L3MBTL4: variants seen among roughly 807,000 people sequenced by gnomAD.
The protein encoded by L3MBTL4 is L3MBTL histone methyl-lysine binding protein 4, also known as lethal(3)malignant brain tumor-like protein 4.
L3MBTL4 carries 70 observed loss-of-function variants against 84.5 expected under a neutral mutation model. The ratio of observed to expected loss-of-function variants is 0.83; its 90% confidence interval spans 0.68 to 1.01. The LOEUF (loss-of-function observed/expected upper bound fraction) is 1.01, where lower values mean the gene tolerates loss of function less well. Among genes scored for constraint, L3MBTL4 ranks in the 50% least tolerant of loss-of-function variants. The pLI, the probability that L3MBTL4 is intolerant of heterozygous loss-of-function variation, is 0.00. For synonymous variants in L3MBTL4, 274 were observed against 259.8 expected (o/e 1.05, Z -0.52); for missense variants, 715 against 754.8 (o/e 0.95, Z 0.62).
At chr18:6,081,733 G>C (rs1047020995) in intron 15 of L3MBTL4, among the ~76,000 whole-genome samples, 13 of 152,170 alleles carry the variant, frequency 8.5e-5, no homozygotes, top group Non-Finnish European at 2.9e-5. Context: ...TTCTGTGCTA[G>C]ATGAGGAAAC....
At chr18:6,038,403 G>C (rs530215230) in intron 16 of L3MBTL4, among the ~76,000 whole-genome samples, 1 of 151,906 alleles carries the variant, frequency 6.6e-6, no homozygotes, top group Non-Finnish European at 1.5e-5. Context: ...ATAGGCGTCC[G>C]CCACCGCGAC....
At chr18:6,308,972 T>C (rs8096936) in intron 3 of L3MBTL4, among the ~76,000 whole-genome samples, 28,752 of 152,176 alleles carry the variant, frequency 0.19, 2,848 homozygotes, top group African/African-American at 0.23. Context: ...ATAGAAAATA[T>C]TAGTCTAGAA....
At chr18:6,144,515 T>A (rs1252972069) in intron 13 of L3MBTL4, among the ~76,000 whole-genome samples, 2 of 152,338 alleles carry the variant, frequency 1.3e-5, no homozygotes, top group East Asian at 3.9e-4. Flanking sequence ...TAATGAATAA[T>A]GCTTTACCCT....
intron 14 of L3MBTL4, among the ~76,000 whole-genome samples, chr18:6,115,263 T>G (rs1054799764): frequency 6.6e-6 from 1 of 151,938 alleles, no homozygotes. Context: ...CTGACTGCAG[T>G]GAGGAAAACA....
chr18:6,221,999 C>T (rs2046577090), intron 10 of L3MBTL4, among the ~76,000 whole-genome samples: 2 of 152,228 alleles, frequency 1.3e-5, no homozygotes, highest in Non-Finnish European at 2.9e-5. Flanking sequence ...CTGTTCAGTA[C>T]ATGACTCAGA....
chr18:6,326,771 T>C (rs1005715618), intron 1 of L3MBTL4: 2 of 152,250 alleles, frequency 1.3e-5, no homozygotes, highest in African/African-American at 4.8e-5. Context: ...TCTGAAATTC[T>C]GTTCCACTGA....
chr18:6,008,878 A>G (rs780408797), intron 16 of L3MBTL4, among the ~76,000 whole-genome samples: 2 of 152,248 alleles, frequency 1.3e-5, no homozygotes, highest in Non-Finnish European at 2.9e-5. Flanking sequence ...ACGGATTGAC[A>G]TAAACCATTT....
rs750099128 is a variant in L3MBTL4 at position 6,383,249 on chromosome 18, C to T, written c.-91+31552G>A. 2.6e-4 allele frequency among the ~76,000 whole-genome samples: 39 copies of T among 152,162 alleles called. 1 individual carries two copies. Among genetic ancestry groups the T allele is most frequent in the South Asian group, 6.2e-4 (3 of 4,808 alleles). ...CACTGGATCTTAGTTTGCTGGGCTCCGTGGGGGTAGGACCTGCTGAGCCAG... is the reference window on the plus strand; with the variant it reads ...CACTGGATCTTAGTTTGCTGGGCTCTGTGGGGGTAGGACCTGCTGAGCCAG... On this transcript the variant is annotated intron_variant, in intron 1 of 18. Transcript: ENST00000317931.
intron 12 of L3MBTL4, among the ~76,000 whole-genome samples, chr18:6,196,697 G>A (rs1037077128): frequency 1.3e-5 from 2 of 152,190 alleles, no homozygotes; most frequent in Non-Finnish European, 2.9e-5. Context: ...AAGAGGGGCT[G>A]AGAGACCTAA....
intron 1 of L3MBTL4, among the ~76,000 whole-genome samples, chr18:6,343,521 C>T (rs575536684): frequency 3.3e-5 from 5 of 151,742 alleles, no homozygotes; most frequent in Non-Finnish European, 7.4e-5. Flanking sequence ...AAAAATTAGC[C>T]GGGCATGGTG....
chr18:5,989,849 C>G (rs4797238), intron 16 of L3MBTL4, among the ~76,000 whole-genome samples: 29,657 of 152,156 alleles, frequency 0.19, 4,836 homozygotes, highest in African/African-American at 0.44. Context: ...ACTGAGGGAA[C>G]GAATCCACTT....
intron 16 of L3MBTL4, among the ~76,000 whole-genome samples, chr18:5,989,066 G>A (rs1359191088): frequency 6.6e-6 from 1 of 152,186 alleles, no homozygotes; most frequent in Admixed American, 6.5e-5. Flanking sequence ...AGACAGAGAG[G>A]TGGGGGCCTG....
At chr18:6,024,316 C>T (rs1177803552) in intron 16 of L3MBTL4, among the ~76,000 whole-genome samples, 1 of 152,188 alleles carries the variant, frequency 6.6e-6, no homozygotes, top group Non-Finnish European at 1.5e-5. Flanking sequence ...TTGATAATCA[C>T]AACACAGGTG....
chr18:6,305,458 AC>A lies in L3MBTL4; in HGVS notation c.73-3502del, dbSNP rs1205378778. ...AATAAATCTACACTGCTATTAATGAACAGAGAGTGAATTTTAAAAAACAAAA... is the reference window on the plus strand; with the variant it reads ...AATAAATCTACACTGCTATTAATGAAAGAGAGTGAATTTTAAAAAACAAAA... On this transcript the variant is annotated intron_variant, in intron 3 of 18. Transcript: ENST00000317931. Among the ~76,000 whole-genome samples the A allele has an allele frequency of 2.0e-5, 3 of 152,240 alleles. 1 individual carries two copies. The highest frequency in any genetic ancestry group is 1.3e-4 in the Admixed American group (2 of 15,286).
chr18:6,082,196 T>A (rs549538017), intron 15 of L3MBTL4, among the ~76,000 whole-genome samples: 60 of 152,160 alleles, frequency 3.9e-4, no homozygotes, highest in Non-Finnish European at 6.0e-4. Flanking sequence ...TAAAAACCAG[T>A]GTAAAAACGC....
chr18:6,363,975 T>C (rs544218266), intron 1 of L3MBTL4, among the ~76,000 whole-genome samples: 126 of 152,256 alleles, frequency 8.3e-4, no homozygotes, highest in Non-Finnish European at 1.2e-3. Flanking sequence ...CCTCTACCCA[T>C]TGTCTTAAAA....
chr18:6,139,605 T>C (rs972199770), intron 13 of L3MBTL4, among the ~76,000 whole-genome samples: 4 of 152,044 alleles, frequency 2.6e-5, no homozygotes, highest in African/African-American at 9.7e-5. Flanking sequence ...CTTACTTCTC[T>C]GACAATCCCA....
At chr18:6,069,944 T>C (rs900324994) in intron 16 of L3MBTL4, among the ~76,000 whole-genome samples, 1 of 152,060 alleles carries the variant, frequency 6.6e-6, no homozygotes, top group Non-Finnish European at 1.5e-5. Flanking sequence ...ATGAGTGTAA[T>C]AGCAGTTTGG....
intron 16 of L3MBTL4, among the ~76,000 whole-genome samples, chr18:5,979,155 C>T (rs186103532): frequency 1.3e-5 from 2 of 152,306 alleles, no homozygotes; most frequent in African/African-American, 2.4e-5. Flanking sequence ...TCTGTCCATG[C>T]TATGAATGAA....
Sources: gnomAD v4.1 joint callset for allele counts (sites outside exome capture counted in the v4.1 genomes callset) on GRCh38, gnomAD v4.1.1 for gene constraint, MANE v1.5 for transcripts, NCBI Gene and HGNC (gene_info 2026-07-23, HGNC 2026-07-21) for gene names.